The following TPRG1 variants were observed in gnomAD, a reference collection of about 807,000 sequenced individuals.
The protein encoded by TPRG1 is tumor protein p63-regulated gene 1 protein.
A neutral mutation model predicts 29.3 loss-of-function variants in TPRG1; 29 were observed. The ratio of observed to expected loss-of-function variants is 0.99; its 90% CI spans 0.74 to 1.35. The LOEUF is 1.35. TPRG1 is among the 40% of genes most tolerant of loss of function. The pLI is 0.00. For synonymous variants in TPRG1, 130 were observed against 116.8 expected (o/e 1.11, Z -0.73); for missense variants, 327 against 335.0 (o/e 0.98, Z 0.19).
In TPRG1 at chr3:189,135,508, G is replaced by A. The variant is rs138820348; in HGVS notation, c.-291+2811G>A. ...TACACCCAGTCTTCTTCGACATTTA[G>A]CAACTTATGCTCCCCCTGAAATCTG... On this transcript the variant is annotated intron_variant, in intron 3 of 6. Coordinates refer to the TPRG1 transcript ENST00000412373. Among the ~76,000 whole-genome samples the A allele has an allele frequency of 1.5e-3, 222 of 152,232 alleles. 1 individual carries two copies. The highest frequency in any genetic ancestry group is 5.1e-3 in the African/African-American group (213 of 41,540).
chr3:189,125,515 C>T (rs1722350757), intron 1 of TPRG1, among the ~76,000 whole-genome samples: 1 of 152,146 alleles, frequency 6.6e-6, no homozygotes, highest in South Asian at 2.1e-4. Flanking sequence ...CTCTCCACCC[C>T]ACCCCTTTTG....
chr3:189,017,200 A>G (rs1265547075), intron 3 of TPRG1, among the ~76,000 whole-genome samples: 1 of 41,282 alleles, frequency 2.4e-5, no homozygotes, highest in Non-Finnish European at 5.6e-5. Flanking sequence ...TTGAGCTCTG[A>G]GATTCTTTTT....
chr3:189,247,935 C>T (rs939601453), intron 4 of TPRG1, among the ~76,000 whole-genome samples: 2 of 151,264 alleles, frequency 1.3e-5, no homozygotes, highest in African/African-American at 4.8e-5. Flanking sequence ...TAGGTTTTTG[C>T]ATTAATATTC....
intron 1 of TPRG1, among the ~76,000 whole-genome samples, chr3:189,188,493 C>A (rs1016750842): frequency 6.6e-6 from 1 of 152,172 alleles, no homozygotes; most frequent in African/African-American, 2.4e-5. Context: ...TGTCTCCCAG[C>A]CCTATGTTTA....
At chr3:189,268,461 T>C (rs1014518085) in intron 4 of TPRG1, among the ~76,000 whole-genome samples, 2 of 152,208 alleles carry the variant, frequency 1.3e-5, no homozygotes, top group African/African-American at 4.8e-5. Flanking sequence ...AAATATTTGG[T>C]TGCCAGGAGG....
At chr3:189,103,129 C>G (rs1578360437) in intron 1 of TPRG1, among the ~76,000 whole-genome samples, 1 of 152,260 alleles carries the variant, frequency 6.6e-6, no homozygotes, top group African/African-American at 2.4e-5. Flanking sequence ...TACCTAGAGC[C>G]AGGGTGGCAA....
rs188226857 is a variant in TPRG1 at position 189,216,584 on chromosome 3, C to T, written c.302+1201C>T. Among the ~76,000 whole-genome samples the T allele has an allele frequency of 5.4e-3, 816 of 152,236 alleles. 3 individuals carry two copies. Among genetic ancestry groups the T allele is most frequent in the Non-Finnish European group, 8.8e-3 (601 of 68,006 alleles). The stretch of plus-strand genomic sequence containing the variant: ...AATTCTTGAGGCCCAAATGAGATAA[C>T]GTTGGTAAATTAGCAAAATGCCTAG... On this transcript the variant is annotated intron_variant, in intron 3 of 5. Transcript: ENST00000345063.
chr3:189,109,720 C>T (rs1426402684), intron 1 of TPRG1, among the ~76,000 whole-genome samples: 1 of 152,084 alleles, frequency 6.6e-6, no homozygotes, highest in Non-Finnish European at 1.5e-5. Flanking sequence ...CAGACATTCC[C>T]TTTTAGTACA....
At chr3:189,110,530 G>C (rs1720383498) in intron 1 of TPRG1, among the ~76,000 whole-genome samples, 1 of 152,018 alleles carries the variant, frequency 6.6e-6, no homozygotes, top group South Asian at 2.1e-4. Flanking sequence ...AAGAGCAAAA[G>C]TTTTTATATT....
In TPRG1 at chr3:189,173,592, G is replaced by A. The variant is rs1004843797; in HGVS notation, c.-10+1461G>A. 6.6e-5 allele frequency among the ~76,000 whole-genome samples: 10 copies of A among 151,874 alleles called. No homozygotes were observed. The East Asian group carries it at 7.7e-4, about 12-fold the overall frequency. Reference sequence around the variant, plus strand: ...ATTCTTGGTGTCTTTCTGGCTGTAAGGATCCTGAAGAAATCGTTTAATTGA... The same window carrying A: ...ATTCTTGGTGTCTTTCTGGCTGTAAAGATCCTGAAGAAATCGTTTAATTGA... On this transcript the variant is annotated intron_variant, in intron 1 of 5. Coordinates refer to ENST00000345063, the MANE Select transcript of TPRG1 (RefSeq NM_198485.4).
rs952019280 is a variant in TPRG1 at position 189,238,719 on chromosome 3, G to A, written c.303-14G>A. 2 of 1,580,316 alleles carry A rather than the reference G, an allele frequency of 1.3e-6. No homozygotes were observed. The highest frequency in any genetic ancestry group is 1.4e-5 in the African/African-American group (1 of 73,936). On this transcript the variant is annotated splice_polypyrimidine_tract_variant and intron_variant, in intron 3 of 5. Transcript: ENST00000345063. ...TGTGTCATCAATTTTTATTTGCTAT[G>A]ATGATTCCTATAGGATAGACCACTG...
At chr3:189,161,495 A>G (rs534231442) in intron 5 of TPRG1, among the ~76,000 whole-genome samples, 9 of 151,770 alleles carry the variant, frequency 5.9e-5, no homozygotes, top group Non-Finnish European at 1.2e-4. Flanking sequence ...TCTTGTCCAC[A>G]TTGCCTTATC....
Position 189,109,577 on chromosome 3 carries a change from GA to G in TPRG1, c.-744+9378del, listed in dbSNP as rs962536733. Among the ~76,000 whole-genome samples, 6 of 152,094 alleles carry G rather than the reference GA, an allele frequency of 3.9e-5. No homozygotes were observed. In the South Asian group the frequency reaches 1.0e-3, roughly 26 times the overall value. The stretch of plus-strand genomic sequence containing the variant: ...CCAGTCCAGCAGAATAGAAACTCAG[GA>G]AAAAGTATTACAATGAATTATAGAA... On this transcript the variant is annotated intron_variant, in intron 1 of 6. Transcript: ENST00000412373.
upstream of TPRG1, among the ~76,000 whole-genome samples, chr3:189,168,071 A>G (rs1008275187): frequency 6.6e-6 from 1 of 152,206 alleles, no homozygotes; most frequent in Non-Finnish European, 1.5e-5. Flanking sequence ...TGGAAATAAG[A>G]GTGAGATGCA....
rs549632292 is a variant in TPRG1, at chr3:189,062,936, A to G, written c.-463+38990A>G. ...CAACATATCAAAAATTATCTTAAAT[A>G]TAAATTATCTGAATACATCAATCAA... is the stretch of plus-strand genomic sequence containing the variant. On this transcript the variant is annotated intron_variant, in intron 4 of 10. Coordinates refer to the TPRG1 transcript ENST00000433971. Among the ~76,000 whole-genome samples the G allele has an allele frequency of 2.6e-5, 4 of 152,190 alleles. No individual in the cohort carries two copies. The South Asian group carries it at 6.2e-4, about 24-fold the overall frequency.
intron 4 of TPRG1, among the ~76,000 whole-genome samples, chr3:189,301,741 G>T (rs1033061697): frequency 6.6e-6 from 1 of 152,126 alleles, no homozygotes; most frequent in African/African-American, 2.4e-5. Flanking sequence ...TTAGCCACGG[G>T]TTCCATTCAC....
At chr3:189,024,360 C>G (rs1713543125) in intron 4 of TPRG1, among the ~76,000 whole-genome samples, 1 of 152,230 alleles carries the variant, frequency 6.6e-6, no homozygotes, top group Non-Finnish European at 1.5e-5. Flanking sequence ...TAGGCTGGAA[C>G]AGCCAAGTCA....
upstream of TPRG1, among the ~76,000 whole-genome samples, chr3:189,169,583 T>C (rs918453796): frequency 6.6e-6 from 1 of 152,238 alleles, no homozygotes; most frequent in Non-Finnish European, 1.5e-5. Context: ...GAGCATGTCC[T>C]CTACTGGGAG....
chr3:189,149,922 C>G (rs938877622), intron 4 of TPRG1, among the ~76,000 whole-genome samples: 1 of 152,164 alleles, frequency 6.6e-6, no homozygotes, highest in African/African-American at 2.4e-5. Flanking sequence ...CAGTGTTTTC[C>G]ACATGGTTGA....
Sources: gnomAD v4.1 joint callset for allele counts (sites outside exome capture counted in the v4.1 genomes callset) on GRCh38, gnomAD v4.1.1 for gene constraint, MANE v1.5 for transcripts, NCBI Gene and HGNC (gene_info 2026-07-23, HGNC 2026-07-21) for gene names.